Variants in GPBP1L1 observed in about 807,000 individuals in gnomAD.
GPBP1L1 encodes the protein GC-rich promoter binding protein 1 like 1, also known as vasculin-like protein 1.
GPBP1L1 carries 23 observed loss-of-function variants against 52.5 expected under a neutral mutation model. The ratio of observed to expected loss-of-function variants is 0.44; its 90% CI spans 0.32 to 0.62. The LOEUF is 0.62. Among genes scored for constraint, GPBP1L1 ranks in the 20% least tolerant of loss-of-function variants. GPBP1L1 has a pLI of 0.06. For missense variants in GPBP1L1, 596 were observed against 579.3 expected, an observed-to-expected ratio of 1.03 and a Z score of -0.30; for synonymous variants, 243 against 203.1, an observed-to-expected ratio of 1.20 and a Z score of -1.67.
chr1:45,634,475 CTAGTTCAA>C, intron 8 of GPBP1L1: 5 of 370,040 alleles, frequency 1.4e-5, no homozygotes, highest in East Asian at 4.0e-5. Flanking sequence ...AAACAGGGCT[CTAGTTCAA>C]TAGTTCAATG....
At chr1:45,663,932 A>G (rs1337252761) in intron 2 of GPBP1L1, among the ~76,000 whole-genome samples, 1 of 151,436 alleles carries the variant, frequency 6.6e-6, no homozygotes, top group East Asian at 1.9e-4. Context: ...AAGAAAAAAC[A>G]CATCATTTAA....
At chr1:45,628,821 G>A (rs1297372424) in intron 12 of GPBP1L1, among the ~76,000 whole-genome samples, 2 of 152,040 alleles carry the variant, frequency 1.3e-5, no homozygotes, top group Non-Finnish European at 2.9e-5. Flanking sequence ...ACACCACCAC[G>A]CCTAGTTAAT....
At chr1:45,671,746 C>T (rs1184713177) in intron 2 of GPBP1L1, among the ~76,000 whole-genome samples, 1 of 151,854 alleles carries the variant, frequency 6.6e-6, no homozygotes, top group Non-Finnish European at 1.5e-5. Flanking sequence ...ATTGCTTGAA[C>T]CTGGGAAGCT....
At chr1:45,629,471 C>CCCA (rs374105264) in intron 12 of GPBP1L1, 105 bp downstream of exon 12, 48 of 144,312 alleles carry the variant, frequency 3.3e-4, no homozygotes, top group South Asian at 1.9e-3. Context: ...CCCCCCCACC[C>CCCA]GATCTTTCTC....
chr1:45,629,821 G>A (rs1644506966), intron 11 of GPBP1L1, 143 bp from the exon 12 acceptor site: 1 of 615,208 alleles, frequency 1.6e-6, no homozygotes, highest in African/African-American at 1.8e-5. Flanking sequence ...TGTGGGACAA[G>A]CTTTAATTGT....
chr1:45,684,633 A>G (rs1645256862), intron 2 of GPBP1L1, among the ~76,000 whole-genome samples: 1 of 152,178 alleles, frequency 6.6e-6, no homozygotes. Context: ...GACACCATCC[A>G]GAATCAACTG....
Position 45,659,079 on chromosome 1 carries a change from C to G in GPBP1L1, c.9G>C (p.Gln3His). 1 of 1,614,130 alleles carries G rather than the reference C, an allele frequency of 6.2e-7. No homozygotes were observed. Among genetic ancestry groups the G allele is most frequent in the African/African-American group, 1.3e-5 (1 of 75,046 alleles). The change falls in exon 4 of 13, where the codon CAG becomes CAC. Residue 3 changes from glutamine to histidine, a missense_variant. Transcript: ENST00000355105. MA[Q>H]HDFVPAWLNF... ...TTAGCCAAGCAGGAACAAAATCATG[C>G]TGCGCCATTTAGGTCCAGTGTCTCC...
Position 45,633,010 on chromosome 1 carries a change from C to T in GPBP1L1, c.1044+479G>A, listed in dbSNP as rs542466083. Among the ~76,000 whole-genome samples, 23 of 152,282 alleles carry T rather than the reference C, an allele frequency of 1.5e-4. No individual in the cohort carries two copies. The East Asian group carries it at 2.9e-3, about 19-fold the overall frequency. Reference sequence around the variant, plus strand: ...CCAAAATCCAGAACACTGATAATATCGAATACTGGTGAGGAGGTGTAGCAA... The same window carrying T: ...CCAAAATCCAGAACACTGATAATATTGAATACTGGTGAGGAGGTGTAGCAA... On this transcript the variant is annotated intron_variant, in intron 10 of 12. Transcript: ENST00000355105.
chr1:45,650,800 C>T (rs1403378101), intron 6 of GPBP1L1, among the ~76,000 whole-genome samples: 1 of 152,114 alleles, frequency 6.6e-6, no homozygotes, highest in Admixed American at 6.5e-5. Context: ...TCTCCTTGAG[C>T]GATTTTATTT....
At chr1:45,629,800 G>A (rs577920694) in intron 11 of GPBP1L1, 122 bp from the exon 12 acceptor site, 2 of 668,914 alleles carry the variant, frequency 3.0e-6, no homozygotes, top group East Asian at 5.2e-5. Context: ...AAGGAATTTT[G>A]TTTTCCTCCC....
rs774773127 is a variant in GPBP1L1, at chr1:45,628,280, T to C, written c.1401A>G (p.Thr467=). The C allele has an allele frequency of 1.9e-6, 3 of 1,614,172 alleles. No individual in the cohort carries two copies. The highest frequency in any genetic ancestry group is 2.5e-6 in the Non-Finnish European group (3 of 1,180,028). Residue 467 remains threonine, a synonymous_variant, in exon 13 of 13, where the codon ACA becomes ACG. Transcript: ENST00000355105. The part of the protein sequence containing the change: ...DSDTETSSSE[T]SDDDAWK ...CCTACTTCCAGGCATCGTCATCTGA[T>C]GTTTCACTGCTACTGGTTTCGGTGT...
chr1:45,651,033 C>T (rs1459797172), intron 6 of GPBP1L1: 2 of 470,012 alleles, frequency 4.3e-6, no homozygotes, highest in East Asian at 1.1e-4. Context: ...TACATTTAAT[C>T]CAATTGGTGG....
chr1:45,647,154 C>T (rs536126826), intron 6 of GPBP1L1, among the ~76,000 whole-genome samples: 3 of 141,818 alleles, frequency 2.1e-5, no homozygotes, highest in African/African-American at 7.7e-5. Flanking sequence ...TTTTTTAAAC[C>T]AACTTCTTAG....
intron 2 of GPBP1L1, among the ~76,000 whole-genome samples, chr1:45,679,590 A>G (rs1645187587): frequency 6.6e-6 from 1 of 152,204 alleles, no homozygotes; most frequent in South Asian, 2.1e-4. Flanking sequence ...CAAAAAAGCA[A>G]TACTGGAAGG....
At chr1:45,629,968 T>G (rs533251673) in intron 11 of GPBP1L1, among the ~76,000 whole-genome samples, 99 of 151,782 alleles carry the variant, frequency 6.5e-4, no homozygotes, top group East Asian at 1.4e-3. Flanking sequence ...TTTTTTTTTT[T>G]GGGATGGAGT....
chr1:45,645,367 A>G (rs1644730523), intron 6 of GPBP1L1, among the ~76,000 whole-genome samples: 1 of 152,190 alleles, frequency 6.6e-6, no homozygotes, highest in African/African-American at 2.4e-5. Context: ...TGTGGATTTT[A>G]CGGAACATCT....
At chr1:45,672,728 G>A (rs1026790816) in intron 2 of GPBP1L1, among the ~76,000 whole-genome samples, 9 of 152,186 alleles carry the variant, frequency 5.9e-5, no homozygotes, top group African/African-American at 2.2e-4. Context: ...TTTAAAGATT[G>A]GGGAGACTGA....
chr1:45,630,614 A>C lies in GPBP1L1; in HGVS notation c.1045-8T>G, dbSNP rs76002166. 3.6e-3 allele frequency: 5,746 copies of C among 1,613,624 alleles called. 65 individuals carry two copies. Among genetic ancestry groups the C allele is most frequent in the East Asian group, 0.035 (1,567 of 44,876 alleles). ...TGTGCTGTTGTCCTCCAACTGCAAT[A>C]AGGAAAAGGAAGGACACAGTTGGTT... On this transcript the variant is annotated splice_polypyrimidine_tract_variant and splice_region_variant and intron_variant, in intron 10 of 12. Coordinates refer to ENST00000355105, the MANE Select transcript of GPBP1L1 (RefSeq NM_021639.5).
intron 6 of GPBP1L1, among the ~76,000 whole-genome samples, chr1:45,653,974 C>T (rs371574731): frequency 1.5e-4 from 23 of 152,168 alleles, no homozygotes; most frequent in African/African-American, 5.5e-4. Flanking sequence ...GCTCAGATTA[C>T]AAGCATGAGC....
Sources: allele counts gnomAD v4.1 joint callset (sites outside exome capture counted in the v4.1 genomes callset), GRCh38; gene constraint gnomAD v4.1.1; transcripts MANE v1.5; gene names NCBI Gene and HGNC (gene_info 2026-07-23, HGNC 2026-07-21).